Variants in NEFH observed in about 807,000 individuals in gnomAD.
The protein encoded by NEFH is neurofilament heavy polypeptide.
NEFH carries 58 observed loss-of-function variants against 56.6 expected under a neutral mutation model. That is an observed-to-expected ratio of 1.03 (90% confidence interval 0.83 to 1.28). The LOEUF (loss-of-function observed/expected upper bound fraction) is 1.28, where lower values mean the gene tolerates loss of function less well. Among genes scored for constraint, NEFH ranks in the 50% most tolerant of loss-of-function variants. The pLI is 0.00. For missense variants in NEFH, 1,221 were observed against 1,307.6 expected (o/e 0.93, Z 1.02); for synonymous variants, 542 against 545.8 (o/e 0.99, Z 0.10).
Position 29,480,489 on chromosome 22 carries a change from C to G in NEFH, c.227C>G (p.Ser76Trp). The G allele has an allele frequency of 6.5e-7, 1 of 1,533,766 alleles. No homozygotes were observed. The highest frequency in any genetic ancestry group is 2.4e-5 in the East Asian group (1 of 40,904). ...GCAGGCGCCGCCTCAAGCACCGACT[C>G]GCTGGACACGCTGAGCAACGGGCCG... ...RGAGAASSTD[S>W]LDTLSNGPEG... Residue 76 changes from serine to tryptophan, a missense_variant, in exon 1 of 4, where the codon TCG becomes TGG. Physicochemically the swap from Ser to Trp is radical, Grantham distance 177. Around this residue, in one of 4 missense-constraint regions of NEFH, gnomAD observed 640 missense variants for 555.5 expected, o/e 1.15. Transcript: ENST00000310624.
Position 29,490,191 on chromosome 22 carries a change from CCAAAAA to C in NEFH, c.2554_2559del (p.Lys852_Thr853del). On this transcript the variant is annotated inframe_deletion, in exon 4 of 4. Transcript: ENST00000310624. The stretch of plus-strand genomic sequence containing the variant: ...AGAGGAAGAGAAAGCCCCTGCCACA[CCAAAAA>C]CAGAGGAGAAGAAGGACAGCAAGAA... The C allele has an allele frequency of 6.2e-7, 1 of 1,611,468 alleles. No individual in the cohort carries two copies. Among genetic ancestry groups the C allele is most frequent in the Non-Finnish European group, 8.5e-7 (1 of 1,178,850 alleles).
In NEFH at chr22:29,485,786, C is replaced by T. The variant is rs2063040819; in HGVS notation, c.1147C>T (p.Arg383Ter). 1 of 1,614,058 alleles carries T rather than the reference C, an allele frequency of 6.2e-7. No homozygotes were observed. Among genetic ancestry groups the T allele is most frequent in the African/African-American group, 1.3e-5 (1 of 74,926 alleles). ...CAAGTGGGAGATGGCCGCCCAGCTG[C>T]GAGAATACCAGGACCTGCTCAATGT... ...NTKWEMAAQLREYQDLLNVKM... is the reference protein window; with the variant it reads ...NTKWEMAAQL Residue 383 changes from arginine to a stop codon, truncating the protein, a stop_gained, in exon 3 of 4, where the codon CGA (arginine) becomes TGA (stop). Transcript: ENST00000310624. LOFTEE classifies it high-confidence loss of function.
intron 3 of NEFH, among the ~76,000 whole-genome samples, chr22:29,488,646 C>T (rs2063057493): frequency 6.6e-6 from 1 of 152,036 alleles, no homozygotes; most frequent in Admixed American, 6.6e-5. Flanking sequence ...AAGACCAGTC[C>T]CACCGGGGTA....
rs1048827690 is a variant in NEFH at position 29,480,927 on chromosome 22, C to T, written c.665C>T (p.Ala222Val). 70 of 1,519,950 alleles carry T rather than the reference C, an allele frequency of 4.6e-5. No individual in the cohort carries two copies. The Admixed American group carries it at 9.7e-4, about 21-fold the overall frequency. The allele number at this position is 1,519,950 out of a possible 1,614,324, so 94.2% of individuals were successfully genotyped here. Residue 222 changes from alanine to valine, a missense_variant, in exon 1 of 4, where the codon GCG becomes GTG. Transcript: ENST00000310624. ...ARVDLQKKAQ[A>V]LQEECGYLRR... ...GTGGACCTGCAGAAGAAGGCGCAGG[C>T]GCTGCAGGAGGAGTGCGGCTACCTG...
chr22:29,490,016 G>C lies in NEFH; in HGVS notation c.2376G>C (p.Glu792Asp), dbSNP rs112505268. 31 of 1,613,428 alleles carry C rather than the reference G, an allele frequency of 1.9e-5. No individual in the cohort carries two copies. In the African/African-American group the frequency reaches 2.9e-4, roughly 15 times the overall value. The change falls in exon 4 of 4, where the codon GAG (glutamate) becomes GAC (aspartate). Residue 792 changes from glutamate to aspartate, a missense_variant. Around this residue, in one of 4 missense-constraint regions of NEFH, gnomAD observed 301 missense variants for 346.6 expected, o/e 0.87. Transcript: ENST00000310624. ...AGGCCAAAAGCCCTGTCAAGGAGGAGGTCAAGTCCCCAGAGAAGGCGAAAT... is the reference window on the plus strand; with the variant it reads ...AGGCCAAAAGCCCTGTCAAGGAGGACGTCAAGTCCCCAGAGAAGGCGAAAT... Reference protein sequence around the residue: ...PEKAKSPVKEEVKSPEKAKSP... With the variant: ...PEKAKSPVKEDVKSPEKAKSP...
Position 29,489,389 on chromosome 22 carries a change from G to A in NEFH, c.1749G>A (p.Lys583=), listed in dbSNP as rs2063063702. Residue 583 remains lysine, a synonymous_variant, in exon 4 of 4, where the codon AAG becomes AAA. Coordinates refer to ENST00000310624, the MANE Select transcript of NEFH (RefSeq NM_021076.4). ...CAGCTGAGGTCAAGTCCCCCGAGAA[G>A]GCCAAGTCCCCAGCAAAGGAAGAGG... ...KSPAEVKSPE[K]AKSPAKEEAK... 2 of 1,611,830 alleles carry A rather than the reference G, an allele frequency of 1.2e-6. No homozygotes were observed. The highest frequency in any genetic ancestry group is 1.7e-6 in the Non-Finnish European group (2 of 1,179,100).
Position 29,489,325 on chromosome 22 carries a change from C to G in NEFH, c.1685C>G (p.Pro562Arg), listed in dbSNP as rs1362618821. 1 of 1,609,070 alleles carries G rather than the reference C, an allele frequency of 6.2e-7. No individual in the cohort carries two copies. Among genetic ancestry groups the G allele is most frequent in the East Asian group, 2.2e-5 (1 of 44,576 alleles). ...GCAAAGGAAGAGGCAAAGTCACCGC[C>G]TGAGGCCAAGTCCCCAGAGAAGGAG... ...SPAKEEAKSP[P>R]EAKSPEKEEA... The change falls in exon 4 of 4, where the codon CCT becomes CGT. Residue 562 changes from proline to arginine, a missense_variant. Pro to Arg is a moderately radical substitution (Grantham distance 103, BLOSUM62 -2). Transcript: ENST00000310624.
rs1324125447 is a variant in NEFH, at chr22:29,480,340, C to T, written c.78C>T (p.Tyr26=). The T allele has an allele frequency of 5.9e-6, 9 of 1,521,702 alleles. No homozygotes were observed. Among genetic ancestry groups the T allele is most frequent in the African/African-American group, 1.4e-5 (1 of 70,708 alleles). The allele number at this position is 1,521,702 out of a possible 1,614,324, so 94.3% of individuals were successfully genotyped here. A position where few individuals can be genotyped will look rare whatever the true frequency, so the allele number is the denominator to read the frequency against. Reference sequence around the variant, plus strand: ...TGCATGGCGGCGGCAGCCTCCACTACGCGCTAGCCCGAAAGGGTGGCGCAG... The same window carrying T: ...TGCATGGCGGCGGCAGCCTCCACTATGCGCTAGCCCGAAAGGGTGGCGCAG... The part of the protein sequence containing the change: ...APLHGGGSLH[Y]ALARKGGAGG... The change falls in exon 1 of 4, where the codon TAC becomes TAT. Residue 26 remains tyrosine, a synonymous_variant. Transcript: ENST00000310624.
chr22:29,490,199 AGAG>A lies in NEFH; in HGVS notation c.2563_2565del (p.Glu855del). Reference sequence around the variant, plus strand: ...AGAAAGCCCCTGCCACACCAAAAACAGAGGAGAAGAAGGACAGCAAGAAAGAGG... The same window carrying A: ...AGAAAGCCCCTGCCACACCAAAAACAGAGAAGAAGGACAGCAAGAAAGAGG... On this transcript the variant is annotated inframe_deletion, in exon 4 of 4. Transcript: ENST00000310624. 3 of 1,611,334 alleles carry A rather than the reference AGAG, an allele frequency of 1.9e-6. No individual in the cohort carries two copies. The highest frequency in any genetic ancestry group is 1.3e-5 in the African/African-American group (1 of 75,002).
At chr22:29,488,232 C>T (rs1602970352) in intron 3 of NEFH, among the ~76,000 whole-genome samples, 1 of 152,006 alleles carries the variant, frequency 6.6e-6, no homozygotes, top group South Asian at 2.1e-4. Context: ...GACGTGGTGG[C>T]GTGCGCCTGT....
At position 29,490,819 on chromosome 22, in the gene NEFH, T is replaced by C. The variant is rs1472202787; in HGVS notation, c.*116T>C. On this transcript the variant is annotated 3_prime_UTR_variant, in exon 4 of 4. Coordinates refer to ENST00000310624, the MANE Select transcript of NEFH (RefSeq NM_021076.4). ...TGTCTTTATGTAAGAAGAAACTGCTTAGATGACGGGGCCTCCTTCTTCAAA... is the reference window on the plus strand; with the variant it reads ...TGTCTTTATGTAAGAAGAAACTGCTCAGATGACGGGGCCTCCTTCTTCAAA... 1 of 1,538,418 alleles carries C rather than the reference T, an allele frequency of 6.5e-7. No homozygotes were observed. The highest frequency in any genetic ancestry group is 1.9e-5 in the Admixed American group (1 of 51,386).
At chr22:29,481,485 A>C (rs561024078) in intron 1 of NEFH, among the ~76,000 whole-genome samples, 2 of 152,110 alleles carry the variant, frequency 1.3e-5, no homozygotes, top group African/African-American at 4.8e-5. Flanking sequence ...ACAGGAAAAA[A>C]GTGGTGCAGG....
chr22:29,489,587 T>TGAGAAGGCCAAGTCCCCC lies in NEFH; in HGVS notation c.1964_1965insCGAGAAGGCCAAGTCCCC (p.Ala652_Lys657dup). 6.3e-7 allele frequency: 1 copy of TGAGAAGGCCAAGTCCCCC among 1,587,504 alleles called. No homozygotes were observed. Among genetic ancestry groups the TGAGAAGGCCAAGTCCCCC allele is most frequent in the Non-Finnish European group, 8.5e-7 (1 of 1,171,006 alleles). On this transcript the variant is annotated inframe_insertion, in exon 4 of 4. Transcript: ENST00000310624. Reference sequence around the variant, plus strand: ...CAACGAAGGAGGAAGCAAAGTCCCCTGAGAAGGCCAAGTCCCCAGAGAAGG... The same window carrying TGAGAAGGCCAAGTCCCCC: ...CAACGAAGGAGGAAGCAAAGTCCCCTGAGAAGGCCAAGTCCCCCGAGAAGGCCAAGTCCCCAGAGAAGG...
chr22:29,483,140 G>T (rs1034761999), intron 1 of NEFH, among the ~76,000 whole-genome samples: 1 of 152,102 alleles, frequency 6.6e-6, no homozygotes, highest in African/African-American at 2.4e-5. Context: ...TTAGCTGGGC[G>T]TAGTGGCAGG....
In NEFH at chr22:29,480,275, G is replaced by A. The variant is rs1374050694; in HGVS notation, c.13G>A (p.Gly5Ser). Residue 5 changes from glycine (G) to serine (S), a missense_variant, in exon 1 of 4, where the codon GGC becomes AGC. Physicochemically the swap from Gly to Ser is moderately conservative, Grantham distance 56. Around this residue, in one of 4 missense-constraint regions of NEFH, gnomAD observed 640 missense variants for 555.5 expected, o/e 1.15. Transcript: ENST00000310624. ...ACCTGCTCAGGCCATGATGAGCTTC[G>A]GCGGCGCGGACGCGCTGCTGGGCGC... MMSF[G>S]GADALLGAPF... 1.3e-6 allele frequency: 2 copies of A among 1,510,128 alleles called. No individual in the cohort carries two copies. Among genetic ancestry groups the A allele is most frequent in the African/African-American group, 1.4e-5 (1 of 69,194 alleles). 93.5% of individuals were successfully genotyped at this position (1,510,128 alleles called of 1,614,324 possible).
Position 29,490,137 on chromosome 22 carries a change from G to A in NEFH, c.2497G>A (p.Val833Met). Residue 833 changes from valine to methionine, a missense_variant, in exon 4 of 4, where the codon GTG becomes ATG. Physicochemically the swap from Val to Met is conservative, Grantham distance 21. This residue lies in a region of NEFH where 301 missense variants were observed against 346.6 expected (regional missense o/e 0.87). Coordinates refer to ENST00000310624, the MANE Select transcript of NEFH (RefSeq NM_021076.4). ...PVKEEEKPQEVKVKEPPKKAE... is the reference protein window; with the variant it reads ...PVKEEEKPQEMKVKEPPKKAE... Reference sequence around the variant, plus strand: ...GAAGGAGGAGGAGAAGCCCCAGGAGGTGAAAGTCAAAGAGCCCCCAAAGAA... The same window carrying A: ...GAAGGAGGAGGAGAAGCCCCAGGAGATGAAAGTCAAAGAGCCCCCAAAGAA... 6.2e-7 allele frequency: 1 copy of A among 1,613,958 alleles called. No homozygotes were observed. The highest frequency in any genetic ancestry group is 8.5e-7 in the Non-Finnish European group (1 of 1,179,978).
At chr22:29,485,653 G>A (rs937957721) in intron 2 of NEFH, 70 bp from the exon 3 acceptor site, 28 of 1,566,194 alleles carry the variant, frequency 1.8e-5, no homozygotes, top group African/African-American at 6.8e-5. Flanking sequence ...CGCACAGCCC[G>A]CCGCAGCTTC....
chr22:29,483,394 G>A lies in NEFH; in HGVS notation c.903G>A (p.Ser301=), dbSNP rs781291855. ...CCCCAGTGAGGCTGGACCGACTGTC[G>A]GAGGCAGCCAAGGTGAACACAGACG... The part of the protein sequence containing the change: ...EWFRVRLDRL[S]EAAKVNTDAM... Residue 301 remains serine (S), a synonymous_variant, in exon 2 of 4, where the codon TCG becomes TCA. Transcript: ENST00000310624. 157 of 1,613,798 alleles carry A rather than the reference G, an allele frequency of 9.7e-5. No homozygotes were observed. In the East Asian group the frequency reaches 2.4e-3, roughly 25 times the overall value.
chr22:29,483,594 A>T lies in NEFH; in HGVS notation c.1083+20A>T, dbSNP rs773078484. On this transcript the variant is annotated intron_variant, in intron 2 of 3. Coordinates refer to ENST00000310624, the MANE Select transcript of NEFH (RefSeq NM_021076.4). ...TACCAGGTGGGCAGGGGCAAGGCAG[A>T]CAGCCAGACTGCCTTACCTGATTGG... 6.2e-7 allele frequency: 1 copy of T among 1,611,160 alleles called. No individual in the cohort carries two copies. Among genetic ancestry groups the T allele is most frequent in the South Asian group, 1.1e-5 (1 of 90,998 alleles).
Sources: allele counts gnomAD v4.1 joint callset (sites outside exome capture counted in the v4.1 genomes callset), GRCh38; gene constraint gnomAD v4.1.1; regional missense constraint gnomAD v4.1.1; transcripts MANE v1.5; gene names NCBI Gene and HGNC (gene_info 2026-07-23, HGNC 2026-07-21).